The following MS4A12 variants were observed in gnomAD, a reference collection of about 807,000 sequenced individuals.
MS4A12 encodes the protein membrane-spanning 4-domains subfamily A member 12.
MS4A12 carries 28 observed loss-of-function variants against 23.7 expected under a neutral mutation model. The observed-to-expected ratio is 1.18, with a 90% confidence interval of 0.88 to 1.62. The LOEUF is 1.62. Among genes scored for constraint, MS4A12 ranks in the 40% most tolerant of loss-of-function variants. MS4A12 has a pLI of 0.00. For missense variants in MS4A12, 342 were observed against 327.0 expected (o/e 1.05, Z -0.35); for synonymous variants, 108 against 110.1 (o/e 0.98, Z 0.12).
At position 60,507,407 on chromosome 11, in the gene MS4A12, A is replaced by C. The variant is rs938435969; in HGVS notation, c.*283A>C. On this transcript the variant is annotated 3_prime_UTR_variant, in exon 7 of 7. Transcript: ENST00000016913. ...TTTCTGTTCATATTACTTTTTCCTT[A>C]ATAAAATGTCATTAGAAACAAAAGC... is the stretch of plus-strand genomic sequence containing the variant. 9 of 341,934 alleles carry C rather than the reference A, an allele frequency of 2.6e-5. No homozygotes were observed. Among genetic ancestry groups the C allele is most frequent in the South Asian group, 1.3e-4 (2 of 15,680 alleles). The allele number at this position is 341,934 out of a possible 1,614,324, so 21.2% of individuals were successfully genotyped here.
chr11:60,495,265 G>A (rs2086480073), intron 1 of MS4A12, among the ~76,000 whole-genome samples: 1 of 151,488 alleles, frequency 6.6e-6, no homozygotes, highest in Admixed American at 6.6e-5. Context: ...GCCTCCTAAA[G>A]TGCTGGATGT....
Position 60,501,051 on chromosome 11 carries a change from C to T in MS4A12, c.283C>T (p.Gln95Ter). Reference sequence around the variant, plus strand: ...GGCTGTTTTCTTTTTTCAGGTGATCCAGATCATGGTTGGATTGATGCACAT... The same window carrying T: ...GGCTGTTTTCTTTTTTCAGGTGATCTAGATCATGGTTGGATTGATGCACAT... Reference protein sequence around the residue: ...KEEAKALGVIQIMVGLMHIGF... With the variant: ...KEEAKALGVI Residue 95 changes from glutamine (Q) to a stop codon, truncating the protein, a stop_gained, in exon 3 of 7, where the codon CAG becomes TAG. Transcript: ENST00000016913. LOFTEE classifies it high-confidence loss of function. 1 of 1,596,226 alleles carries T rather than the reference C, an allele frequency of 6.3e-7. No individual in the cohort carries two copies. Among genetic ancestry groups the T allele is most frequent in the East Asian group, 2.3e-5 (1 of 43,922 alleles).
rs142346833 is a variant in MS4A12 at position 60,501,882 on chromosome 11, G to T, written c.415-101G>T. On this transcript the variant is annotated intron_variant, in intron 3 of 6. Coordinates refer to ENST00000016913, the MANE Select transcript of MS4A12 (RefSeq NM_017716.3). The stretch of plus-strand genomic sequence containing the variant: ...AAGTGCGAGAGAAAATTTTGAGAAG[G>T]AAACTAGATGAACATAAATAGACCA... The T allele has an allele frequency of 2.3e-4, 246 of 1,071,918 alleles. 1 individual carries two copies. In the East Asian group the frequency reaches 2.9e-3, roughly 13 times the overall value. 66.4% of individuals were successfully genotyped at this position (1,071,918 alleles called of 1,614,324 possible).
chr11:60,492,938 A>G (rs1464060408), intron 1 of MS4A12, 110 bp downstream of exon 1: 1 of 152,170 alleles, frequency 6.6e-6, no homozygotes, highest in South Asian at 2.1e-4. Context: ...GATGAAGACA[A>G]GTTCTTGACT....
At chr11:60,498,644 GA>G in intron 2 of MS4A12, among the ~76,000 whole-genome samples, 1 of 152,280 alleles carries the variant, frequency 6.6e-6, no homozygotes, top group South Asian at 2.1e-4. Context: ...ACATAATAAG[GA>G]AGTAAAGTAC....
In MS4A12 at chr11:60,507,214, T is replaced by C; in HGVS notation, c.*90T>C. On this transcript the variant is annotated 3_prime_UTR_variant, in exon 7 of 7. Coordinates refer to ENST00000016913, the MANE Select transcript of MS4A12 (RefSeq NM_017716.3). Reference sequence around the variant, plus strand: ...AGATGTCTTTTATTGTCTACAATGATTTCTAGTCTTTAAAAACTGTGTTTG... The same window carrying C: ...AGATGTCTTTTATTGTCTACAATGACTTCTAGTCTTTAAAAACTGTGTTTG... 5 of 1,049,530 alleles carry C rather than the reference T, an allele frequency of 4.8e-6. No individual in the cohort carries two copies. Among genetic ancestry groups the C allele is most frequent in the Non-Finnish European group, 7.2e-6 (5 of 697,604 alleles). The allele number at this position is 1,049,530 out of a possible 1,614,324, so 65.0% of individuals were successfully genotyped here. A position where few individuals can be genotyped will look rare whatever the true frequency, so the allele number is the denominator to read the frequency against.
At chr11:60,505,242 A>C (rs941137997) in intron 5 of MS4A12, among the ~76,000 whole-genome samples, 42 of 152,140 alleles carry the variant, frequency 2.8e-4, no homozygotes, top group African/African-American at 9.9e-4. Context: ...TGTGCAGGGC[A>C]ACTCCTGTTT....
At chr11:60,501,250 T>C in intron 3 of MS4A12, 68 bp downstream of exon 3, 1 of 1,458,258 alleles carries the variant, frequency 6.9e-7, no homozygotes, top group Non-Finnish European at 9.2e-7. Context: ...TTATAAAGTA[T>C]TGCTATCTCC....
At chr11:60,506,293 C>T (rs2086569104) in intron 5 of MS4A12, among the ~76,000 whole-genome samples, 1 of 152,186 alleles carries the variant, frequency 6.6e-6, no homozygotes, top group Non-Finnish European at 1.5e-5. Context: ...CGGCATCTTT[C>T]CACACATCCA....
chr11:60,500,261 CAA>C (rs1322776085), intron 2 of MS4A12, among the ~76,000 whole-genome samples: 83 of 131,940 alleles, frequency 6.3e-4, no homozygotes, highest in Middle Eastern at 3.8e-3. Context: ...CAAAAAAAAA[CAA>C]AAAAAAAAAC....
At position 60,506,846 on chromosome 11, in the gene MS4A12, G is replaced by A. The variant is rs371361417; in HGVS notation, c.699+8G>A. Reference sequence around the variant, plus strand: ...AACACCACAACCAATATGGTGAGTTGGGTCTCTTCTTTGTAAAATAATCTG... The same window carrying A: ...AACACCACAACCAATATGGTGAGTTAGGTCTCTTCTTTGTAAAATAATCTG... On this transcript the variant is annotated splice_region_variant and intron_variant, in intron 6 of 6. Coordinates refer to ENST00000016913, the MANE Select transcript of MS4A12 (RefSeq NM_017716.3). The A allele has an allele frequency of 7.5e-6, 12 of 1,606,642 alleles. No homozygotes were observed. Among genetic ancestry groups the A allele is most frequent in the African/African-American group, 1.3e-5 (1 of 74,742 alleles).
chr11:60,503,727 TGTTA>T lies in MS4A12; in HGVS notation c.502_505del (p.Ser168LeufsTer8), dbSNP rs762144058. On this transcript the variant is annotated frameshift_variant, in exon 5 of 7. Transcript: ENST00000016913. LOFTEE classifies it high-confidence loss of function. ...TGAAAGGCAGCCTGGGAATGAACAT[TGTTA>T]GTTCTATCTTGGCCTTCATTGGAGT... 23 of 1,613,540 alleles carry T rather than the reference TGTTA, an allele frequency of 1.4e-5. No homozygotes were observed. Among genetic ancestry groups the T allele is most frequent in the Admixed American group, 8.4e-5 (5 of 59,878 alleles).
intron 2 of MS4A12, among the ~76,000 whole-genome samples, chr11:60,498,342 C>T (rs1374572926): frequency 6.6e-6 from 1 of 152,150 alleles, no homozygotes; most frequent in Non-Finnish European, 1.5e-5. Flanking sequence ...TCATTATGTG[C>T]CAGAAACTCT....
intron 1 of MS4A12, among the ~76,000 whole-genome samples, chr11:60,493,240 G>A (rs1012569590): frequency 3.9e-5 from 6 of 152,076 alleles, no homozygotes; most frequent in Non-Finnish European, 7.4e-5. Context: ...GCTGGGCGTA[G>A]TGGCAGGTGC....
chr11:60,502,348 T>A (rs1335845206), intron 4 of MS4A12, among the ~76,000 whole-genome samples: 1 of 152,164 alleles, frequency 6.6e-6, no homozygotes, highest in African/African-American at 2.4e-5. Flanking sequence ...TTATGGGAAG[T>A]CCAAAGGAGA....
intron 2 of MS4A12, 48 bp from the exon 3 acceptor site, chr11:60,500,997 C>G (rs78762845): frequency 6.4e-7 from 1 of 1,553,926 alleles, no homozygotes; most frequent in Non-Finnish European, 8.7e-7. Flanking sequence ...ATGTTTCACA[C>G]GTCTGAAAGT....
At chr11:60,505,363 G>C (rs1321380638) in intron 5 of MS4A12, among the ~76,000 whole-genome samples, 1 of 152,036 alleles carries the variant, frequency 6.6e-6, no homozygotes. Context: ...CAACAAGTGG[G>C]AATTATGGGA....
chr11:60,503,651 A>C, intron 4 of MS4A12, 50 bp from the exon 5 acceptor site: 1 of 1,383,132 alleles, frequency 7.2e-7, no homozygotes, highest in South Asian at 1.3e-5. Flanking sequence ...TATCTCACTT[A>C]ACTTCAGTGA....
At chr11:60,501,266 A>T in intron 3 of MS4A12, 84 bp downstream of exon 3, 1 of 1,343,776 alleles carries the variant, frequency 7.4e-7, no homozygotes, top group East Asian at 2.6e-5. Context: ...TCTCCAGCCA[A>T]TTCACAACTC....
Sources: allele counts gnomAD v4.1 joint callset (sites outside exome capture counted in the v4.1 genomes callset), GRCh38; gene constraint gnomAD v4.1.1; transcripts MANE v1.5; gene names NCBI Gene and HGNC (gene_info 2026-07-23, HGNC 2026-07-21).